The following SLC22A15 variants were observed in gnomAD, a reference collection of about 807,000 sequenced individuals.
SLC22A15 encodes the protein flipt 1.
SLC22A15 carries 45 observed loss-of-function variants against 62.7 expected under a neutral mutation model. That is an observed-to-expected ratio of 0.72 (90% CI 0.56 to 0.92). The LOEUF (loss-of-function observed/expected upper bound fraction) is 0.92, where lower values mean the gene tolerates loss of function less well. SLC22A15 is among the 40% of genes least tolerant of loss of function. The pLI is 0.00. For missense variants in SLC22A15, 622 were observed against 665.6 expected, an observed-to-expected ratio of 0.93 and a Z score of 0.72; for synonymous variants, 264 against 267.0, an observed-to-expected ratio of 0.99 and a Z score of 0.11.
intron 2 of SLC22A15, among the ~76,000 whole-genome samples, chr1:115,995,945 A>G (rs1479795698): frequency 6.6e-6 from 1 of 152,226 alleles, no homozygotes; most frequent in African/African-American, 2.4e-5. Context: ...ATAGTATAAT[A>G]TCATAACTGA....
intron 8 of SLC22A15, among the ~76,000 whole-genome samples, chr1:116,041,141 C>T (rs1299935604): frequency 6.6e-6 from 1 of 152,124 alleles, no homozygotes; most frequent in Non-Finnish European, 1.5e-5. Context: ...ATGATAAACA[C>T]GGTTCTTAGT....
chr1:116,062,211 A>G (rs1047256777), intron 8 of SLC22A15, among the ~76,000 whole-genome samples: 9 of 152,220 alleles, frequency 5.9e-5, no homozygotes, highest in Admixed American at 5.2e-4. Flanking sequence ...CTCTGTCTCA[A>G]AAAACAGAAA....
intron 8 of SLC22A15, among the ~76,000 whole-genome samples, chr1:116,041,837 A>C (rs920328585): frequency 3.3e-5 from 5 of 152,120 alleles, no homozygotes; most frequent in Admixed American, 3.3e-4. Context: ...AGGCAGAACA[A>C]TCCTTGGATT....
intron 8 of SLC22A15, among the ~76,000 whole-genome samples, chr1:116,049,336 C>T (rs1305127687): frequency 1.3e-5 from 2 of 152,116 alleles, no homozygotes; most frequent in African/African-American, 4.8e-5. Flanking sequence ...CCAAGATAGA[C>T]TATATGATAA....
At chr1:116,011,420 A>C (rs1316579699) in intron 2 of SLC22A15, among the ~76,000 whole-genome samples, 2 of 152,154 alleles carry the variant, frequency 1.3e-5, no homozygotes, top group East Asian at 3.9e-4. Context: ...AATGGTGACC[A>C]ATTAGGTAGT....
chr1:116,002,196 C>A (rs1414396087), intron 2 of SLC22A15, among the ~76,000 whole-genome samples: 1 of 152,188 alleles, frequency 6.6e-6, no homozygotes, highest in African/African-American at 2.4e-5. Context: ...TCCAAACAAA[C>A]AGCATCTCTC....
At chr1:116,066,209 C>A (rs1359438543) in intron 10 of SLC22A15, among the ~76,000 whole-genome samples, 2 of 152,164 alleles carry the variant, frequency 1.3e-5, no homozygotes, top group African/African-American at 4.8e-5. Context: ...GCCATATAGG[C>A]CTGCCTGCTC....
chr1:116,027,088 G>A, intron 5 of SLC22A15, 66 bp downstream of exon 5: 1 of 1,474,430 alleles, frequency 6.8e-7, no homozygotes, highest in Non-Finnish European at 9.4e-7. Flanking sequence ...GAGGATGTGG[G>A]TCAATGAGCA....
intron 2 of SLC22A15, among the ~76,000 whole-genome samples, chr1:116,013,207 T>C (rs908206173): frequency 4.6e-5 from 7 of 152,196 alleles, no homozygotes; most frequent in African/African-American, 1.7e-4. Context: ...CTCTTCTCCC[T>C]CATCCCCAGC....
chr1:116,066,682 T>C lies in SLC22A15; in HGVS notation c.1528T>C (p.Ser510Pro). 1 of 1,612,896 alleles carries C rather than the reference T, an allele frequency of 6.2e-7. No homozygotes were observed. ...SYRRLGEEAL[S>P]LQALDPQQCV... ...TCGCAGGCTGGGAGAAGAAGCATTATCTTTACAGGCTTTGGACCCCCAACA... is the reference window on the plus strand; with the variant it reads ...TCGCAGGCTGGGAGAAGAAGCATTACCTTTACAGGCTTTGGACCCCCAACA... Residue 510 changes from serine to proline, a missense_variant, in exon 11 of 12, where the codon TCT becomes CCT. By Grantham distance (74) the Ser-to-Pro change is moderately conservative. Coordinates refer to ENST00000369503, the MANE Select transcript of SLC22A15 (RefSeq NM_018420.3).
intron 1 of SLC22A15, 37 bp downstream of exon 1, chr1:115,976,751 T>A (rs754497560): frequency 6.7e-7 from 1 of 1,501,096 alleles, no homozygotes; most frequent in South Asian, 1.2e-5. Flanking sequence ...ATTTCCCTCT[T>A]CAGGGCCGCC....
intron 2 of SLC22A15, among the ~76,000 whole-genome samples, chr1:116,010,627 G>T (rs907021456): frequency 1.3e-5 from 2 of 152,194 alleles, no homozygotes; most frequent in Admixed American, 6.5e-5. Flanking sequence ...AGATTTTCAT[G>T]TACAAAGTTG....
chr1:115,987,894 C>T (rs1654952815), intron 1 of SLC22A15, among the ~76,000 whole-genome samples: 4 of 152,096 alleles, frequency 2.6e-5, no homozygotes, highest in Admixed American at 6.5e-5. Flanking sequence ...AAAAAATAAA[C>T]ATTGTACTGA....
intron 5 of SLC22A15, 167 bp downstream of exon 5, chr1:116,027,189 A>G: frequency 4.4e-6 from 3 of 684,538 alleles, no homozygotes; most frequent in Non-Finnish European, 2.6e-6. Flanking sequence ...TCCTGGGAAG[A>G]GAGATGCTTA....
chr1:116,064,320 C>T, intron 9 of SLC22A15, 116 bp from the exon 10 acceptor site: 1 of 711,714 alleles, frequency 1.4e-6, no homozygotes. Flanking sequence ...CCACTGTTCT[C>T]TAGGATCCTG....
At position 116,069,756 on chromosome 1, in the gene SLC22A15, G is replaced by A. The variant is rs982462911; in HGVS notation, c.*2648G>A. The stretch of plus-strand genomic sequence containing the variant: ...AAACAAAATGAGGCAAATAAATGAA[G>A]AAAATGAGTTTCTGAGACACTGTTT... On this transcript the variant is annotated 3_prime_UTR_variant, in exon 12 of 12. Transcript: ENST00000369503. 2.0e-5 allele frequency: 3 copies of A among 152,138 alleles called. No homozygotes were observed. 9.4% of individuals were successfully genotyped at this position (152,138 alleles called of 1,614,324 possible). A position where few individuals can be genotyped will look rare whatever the true frequency, so the allele number is the denominator to read the frequency against.
At chr1:116,038,951 C>G (rs945064312) in intron 8 of SLC22A15, among the ~76,000 whole-genome samples, 3 of 152,114 alleles carry the variant, frequency 2.0e-5, no homozygotes, top group African/African-American at 7.2e-5. Flanking sequence ...GTAACCTATC[C>G]CCTAGGACTC....
At chr1:115,982,669 T>C (rs1401914995) in intron 1 of SLC22A15, among the ~76,000 whole-genome samples, 2 of 152,228 alleles carry the variant, frequency 1.3e-5, no homozygotes, top group African/African-American at 4.8e-5. Context: ...TCTTGCCAGT[T>C]GATTGTTTAT....
chr1:116,011,574 G>GT (rs1172294315), intron 2 of SLC22A15, among the ~76,000 whole-genome samples: 1 of 152,192 alleles, frequency 6.6e-6, no homozygotes, highest in Non-Finnish European at 1.5e-5. Flanking sequence ...GACAGACACT[G>GT]TAAGTTTAGC....
Sources: gnomAD v4.1 joint callset for allele counts (sites outside exome capture counted in the v4.1 genomes callset) on GRCh38, gnomAD v4.1.1 for gene constraint, MANE v1.5 for transcripts, NCBI Gene and HGNC (gene_info 2026-07-23, HGNC 2026-07-21) for gene names.